The following LY6D variants were observed in gnomAD, a reference collection of about 807,000 sequenced individuals.
LY6D encodes lymphocyte antigen 6 family member D.
Under a neutral mutation model 5.6 loss-of-function variants are expected in LY6D, and 7 were observed. The ratio of observed to expected loss-of-function variants is 1.24; its 90% CI spans 0.71 to 2.34. The LOEUF (loss-of-function observed/expected upper bound fraction) is 2.34. Among genes scored for constraint, LY6D ranks in the 30% most tolerant of loss-of-function variants. The pLI is 0.00. For synonymous variants in LY6D, 81 were observed against 75.0 expected (o/e 1.08, Z -0.41); for missense variants, 148 against 164.8 (o/e 0.90, Z 0.56).
chr8:142,786,433 C>CCCCCCCCCCTCCCCCTGG, intron 1 of LY6D, 32 bp downstream of exon 1: 4 of 1,515,900 alleles, frequency 2.6e-6, no homozygotes, highest in South Asian at 1.2e-5. Context: ...CACAGCCGCC[C>CCCCCCCCCCTCCCCCTGG]ACCCGCCCGT....
In LY6D at chr8:142,786,484, C is replaced by T. The variant is rs763864476; in HGVS notation, c.33G>A (p.Leu11=). Residue 11 remains leucine, a synonymous_variant, in exon 1 of 3, where the codon CTG becomes CTA. Coordinates refer to ENST00000301263, the MANE Select transcript of LY6D (RefSeq NM_003695.3). MRTALLLLAA[L]AVATGPALTL... is the part of the protein sequence containing the mutation. ...CCTCACCTGGCCCTGTAGCCACAGC[C>T]AGGGCTGCAAGGAGCAGCAATGCTG... 379 of 1,549,126 alleles carry T rather than the reference C, an allele frequency of 2.4e-4. No homozygotes were observed. The highest frequency in any genetic ancestry group is 3.1e-4 in the Non-Finnish European group (355 of 1,146,188).
chr8:142,785,963 T>C, intron 1 of LY6D: 4 of 1,318,334 alleles, frequency 3.0e-6, no homozygotes, highest in Non-Finnish European at 3.9e-6. Context: ...CTCAGGGAGC[T>C]CTGCGACTGC....
At position 142,785,128 on chromosome 8, in the gene LY6D, C is replaced by CT. The variant is rs2130140762; in HGVS notation, c.*92dup. 1 of 1,034,070 alleles carries CT rather than the reference C, an allele frequency of 9.7e-7. No individual in the cohort carries two copies. Among genetic ancestry groups the CT allele is most frequent in the East Asian group, 2.6e-5 (1 of 38,584 alleles). The allele number at this position is 1,034,070 out of a possible 1,614,324, so 64.1% of individuals were successfully genotyped here. A position where few individuals can be genotyped will look rare whatever the true frequency, so the allele number is the denominator to read the frequency against. On this transcript the variant is annotated 3_prime_UTR_variant, in exon 3 of 3. Coordinates refer to ENST00000301263, the MANE Select transcript of LY6D (RefSeq NM_003695.3). ...TTTCGGGGAAGCCCTCAGCCTGGGG[C>CT]TCCTGGCACCCCCGTTGCGGCTGGG... is the stretch of plus-strand genomic sequence containing the variant.
At chr8:142,785,885 G>A (rs1268208131) in intron 1 of LY6D, 198 bp from the exon 2 acceptor site, 3 of 1,421,890 alleles carry the variant, frequency 2.1e-6, no homozygotes, top group Non-Finnish European at 2.8e-6. Flanking sequence ...TTCCAGCCTG[G>A]GCCGGCTTGG....
chr8:142,784,905 T>G lies in LY6D; in HGVS notation c.*316A>C. 1 of 372,868 alleles carries G rather than the reference T, an allele frequency of 2.7e-6. No individual in the cohort carries two copies. The highest frequency in any genetic ancestry group is 4.9e-6 in the Non-Finnish European group (1 of 202,818). 23.1% of individuals were successfully genotyped at this position (372,868 alleles called of 1,614,324 possible). On this transcript the variant is annotated 3_prime_UTR_variant, in exon 3 of 3. Coordinates refer to ENST00000301263, the MANE Select transcript of LY6D (RefSeq NM_003695.3). ...CACTGGTTTAAATCATTTATCTCCA[T>G]GTAGAGATTTGAGTACAAAAATAAA...
At chr8:142,786,361 G>T in intron 1 of LY6D, 104 bp downstream of exon 1, 1 of 1,438,430 alleles carries the variant, frequency 7.0e-7, no homozygotes, top group Non-Finnish European at 9.2e-7. Flanking sequence ...CCACAGTGTC[G>T]GGGTTCTCTG....
rs1815638151 is a variant in LY6D at position 142,785,451 on chromosome 8, G to C, written c.157C>G (p.Pro53Ala). Residue 53 changes from proline to alanine, a missense_variant, in exon 3 of 3, where the codon CCT becomes GCT. Transcript: ENST00000301263. ...TTCTTCACCAGATTCCCCCTCAGAG[G>C]CTCCACTGGGCACAGGTGAGTGTGG... ...RFCKTTNTVEPLRGNLVKKDC... is the reference protein window; with the variant it reads ...RFCKTTNTVEALRGNLVKKDC... 1 of 1,611,122 alleles carries C rather than the reference G, an allele frequency of 6.2e-7. No individual in the cohort carries two copies. Among genetic ancestry groups the C allele is most frequent in the Non-Finnish European group, 8.5e-7 (1 of 1,178,300 alleles).
rs1285372844 is a variant in LY6D at position 142,785,417 on chromosome 8, G to A, written c.191C>T (p.Ala64Val). ...LRGNLVKKDC[A>V]ESCTPSYTLQ... ...GGTGTAGCTGGGTGTGCACGACTCC[G>A]CACAGTCCTTCTTCACCAGATTCCC... Residue 64 changes from alanine (A) to valine (V), a missense_variant, in exon 3 of 3, where the codon GCG becomes GTG. Ala to Val is a moderately conservative substitution (Grantham distance 64, BLOSUM62 0). Transcript: ENST00000301263. 26 of 1,613,262 alleles carry A rather than the reference G, an allele frequency of 1.6e-5. No homozygotes were observed. Among genetic ancestry groups the A allele is most frequent in the Middle Eastern group, 1.7e-4 (1 of 6,060 alleles).
intron 1 of LY6D, 187 bp from the exon 2 acceptor site, chr8:142,785,874 A>G: frequency 1.4e-6 from 2 of 1,426,866 alleles, no homozygotes; most frequent in Non-Finnish European, 1.8e-6. Flanking sequence ...GGGGACATGT[A>G]TTCCAGCCTG....
At position 142,785,817 on chromosome 8, in the gene LY6D, C is replaced by T. The variant is rs1034282115; in HGVS notation, c.53-130G>A. The stretch of plus-strand genomic sequence containing the variant: ...GCTGCCCTTGCCCTAGGCCCCCAAA[C>T]CCGGGCTCTGGGTCCTGGCAGGGCA... On this transcript the variant is annotated intron_variant, in intron 1 of 2. Transcript: ENST00000301263. 46 of 1,466,052 alleles carry T rather than the reference C, an allele frequency of 3.1e-5. No individual in the cohort carries two copies. The African/African-American group carries it at 5.6e-4, about 18-fold the overall frequency. 90.8% of individuals were successfully genotyped at this position (1,466,052 alleles called of 1,614,324 possible). A position where few individuals can be genotyped will look rare whatever the true frequency, so the allele number is the denominator to read the frequency against.
chr8:142,786,217 AC>A, intron 1 of LY6D: 1 of 1,323,050 alleles, frequency 7.6e-7, no homozygotes, highest in Non-Finnish European at 9.6e-7. Context: ...TCTCAAGACA[AC>A]CCCCTGCTCC....
In LY6D at chr8:142,785,299, G is replaced by T; in HGVS notation, c.309C>A (p.Arg103=). ...NEKLHNAAPT[R]TALAHSALSL... ...TGAGGGCACTGTGGGCGAGGGCGGT[G>T]CGGGTGGGTGCAGCGTTGTGCAGCT... Residue 103 remains arginine (R), a synonymous_variant, in exon 3 of 3, where the codon CGC becomes CGA. Transcript: ENST00000301263. The T allele has an allele frequency of 6.2e-7, 1 of 1,613,682 alleles. No individual in the cohort carries two copies. Among genetic ancestry groups the T allele is most frequent in the Non-Finnish European group, 8.5e-7 (1 of 1,179,928 alleles).
At chr8:142,786,323 G>A in intron 1 of LY6D, 142 bp downstream of exon 1, 1 of 1,378,248 alleles carries the variant, frequency 7.3e-7, no homozygotes, top group Non-Finnish European at 9.4e-7. Context: ...CGGGCTCCAT[G>A]TTGTTTTAAA....
intron 1 of LY6D, 32 bp downstream of exon 1, chr8:142,786,433 C>CCCCCCCCCCGCCCCCAGGGCCA: frequency 6.6e-7 from 1 of 1,515,906 alleles, no homozygotes; most frequent in Non-Finnish European, 8.9e-7. Flanking sequence ...CACAGCCGCC[C>CCCCCCCCCCGCCCCCAGGGCCA]ACCCGCCCGT....
At position 142,785,006 on chromosome 8, in the gene LY6D, G is replaced by A. The variant is rs559782591; in HGVS notation, c.*215C>T. On this transcript the variant is annotated 3_prime_UTR_variant, in exon 3 of 3. Coordinates refer to ENST00000301263, the MANE Select transcript of LY6D (RefSeq NM_003695.3). ...TCCTCCACCTTCCATGCAGCTGGGGGCTGCATCCTCTGTGGGGTGGCTTCA... is the reference window on the plus strand; with the variant it reads ...TCCTCCACCTTCCATGCAGCTGGGGACTGCATCCTCTGTGGGGTGGCTTCA... The A allele has an allele frequency of 8.9e-6, 5 of 562,166 alleles. No individual in the cohort carries two copies. In the East Asian group the frequency reaches 1.4e-4, roughly 16 times the overall value. 34.8% of individuals were successfully genotyped at this position (562,166 alleles called of 1,614,324 possible).
chr8:142,785,433 C>T lies in LY6D; in HGVS notation c.175G>A (p.Val59Met). ...NTVEPLRGNLVKKDCAESCTP... is the reference protein window; with the variant it reads ...NTVEPLRGNLMKKDCAESCTP... ...CACGACTCCGCACAGTCCTTCTTCACCAGATTCCCCCTCAGAGGCTCCACT... is the reference window on the plus strand; with the variant it reads ...CACGACTCCGCACAGTCCTTCTTCATCAGATTCCCCCTCAGAGGCTCCACT... The change falls in exon 3 of 3, where the codon GTG (valine) becomes ATG (methionine). Residue 59 changes from valine to methionine, a missense_variant. Physicochemically the swap from Val to Met is conservative, Grantham distance 21 (BLOSUM62 1). Coordinates refer to ENST00000301263, the MANE Select transcript of LY6D (RefSeq NM_003695.3). 2 of 1,612,944 alleles carry T rather than the reference C, an allele frequency of 1.2e-6. No homozygotes were observed. The highest frequency in any genetic ancestry group is 8.5e-7 in the Non-Finnish European group (1 of 1,179,590).
chr8:142,785,104 T>C lies in LY6D; in HGVS notation c.*117A>G, dbSNP rs1425651416. ...GCCCACCTGGACCTGGTCCCAGACT[T>C]TCGGGGAAGCCCTCAGCCTGGGGCT... On this transcript the variant is annotated 3_prime_UTR_variant, in exon 3 of 3. Coordinates refer to ENST00000301263, the MANE Select transcript of LY6D (RefSeq NM_003695.3). 3 of 797,208 alleles carry C rather than the reference T, an allele frequency of 3.8e-6. No individual in the cohort carries two copies. The highest frequency in any genetic ancestry group is 5.8e-6 in the Non-Finnish European group (3 of 514,070). The allele number at this position is 797,208 out of a possible 1,614,324, so 49.4% of individuals were successfully genotyped here. A position where few individuals can be genotyped will look rare whatever the true frequency, so the allele number is the denominator to read the frequency against.
intron 1 of LY6D, chr8:142,786,182 A>C: frequency 7.8e-7 from 1 of 1,281,330 alleles, no homozygotes; most frequent in Non-Finnish European, 9.9e-7. Flanking sequence ...CAGGGACTAG[A>C]TGGCCGCTCT....
Position 142,785,434 on chromosome 8 carries a change from C to G in LY6D, c.174G>C (p.Leu58=). The change falls in exon 3 of 3, where the codon CTG becomes CTC. Residue 58 remains leucine (L), a synonymous_variant. Coordinates refer to ENST00000301263, the MANE Select transcript of LY6D (RefSeq NM_003695.3). ...TNTVEPLRGN[L]VKKDCAESCT... ...ACGACTCCGCACAGTCCTTCTTCAC[C>G]AGATTCCCCCTCAGAGGCTCCACTG... 6.2e-7 allele frequency: 1 copy of G among 1,612,946 alleles called. No individual in the cohort carries two copies. Among genetic ancestry groups the G allele is most frequent in the Non-Finnish European group, 8.5e-7 (1 of 1,179,598 alleles).
Sources: gnomAD v4.1 joint callset for allele counts on GRCh38, gnomAD v4.1.1 for gene constraint, MANE v1.5 for transcripts, NCBI Gene and HGNC (gene_info 2026-07-23, HGNC 2026-07-21) for gene names.